Variants in KCNAB1 observed in about 807,000 individuals in gnomAD.
KCNAB1 encodes voltage-gated potassium channel subunit beta-1.
KCNAB1 carries 35 observed loss-of-function variants against 64.6 expected under a neutral mutation model. That is an observed-to-expected ratio of 0.54 (90% confidence interval 0.41 to 0.72). KCNAB1 has a LOEUF of 0.72. Among genes scored for constraint, KCNAB1 ranks in the 30% least tolerant of loss-of-function variants. The pLI, the probability that KCNAB1 is intolerant of heterozygous loss-of-function variation, is 0.00. For synonymous variants in KCNAB1, 177 were observed against 183.8 expected (o/e 0.96, Z 0.30); for missense variants, 401 against 512.9 (o/e 0.78, Z 2.11).
At chr3:156,344,328 T>C (rs1724335046) in intron 1 of KCNAB1, among the ~76,000 whole-genome samples, 1 of 152,198 alleles carries the variant, frequency 6.6e-6, no homozygotes, top group Non-Finnish European at 1.5e-5. Flanking sequence ...TCAGCGCTGA[T>C]TTTTTTATGC....
chr3:156,399,872 C>T (rs1021562820), intron 1 of KCNAB1, among the ~76,000 whole-genome samples: 2 of 152,072 alleles, frequency 1.3e-5, no homozygotes, highest in Admixed American at 6.5e-5. Flanking sequence ...ATAAAATTAC[C>T]GCACCACCTT....
At chr3:156,162,039 T>C (rs73876120) in intron 1 of KCNAB1, among the ~76,000 whole-genome samples, 12,246 of 152,224 alleles carry the variant, frequency 0.08, 1,032 homozygotes, top group African/African-American at 0.21. Context: ...TTTTTGGTCT[T>C]GATATTGAAA....
intron 1 of KCNAB1, chr3:156,176,564 A>G (rs1712384305): frequency 2.4e-6 from 2 of 819,492 alleles, no homozygotes; most frequent in East Asian, 4.8e-5. Context: ...GTTGTAATGC[A>G]GTTCCATCAC....
chr3:156,421,716 C>A, intron 2 of KCNAB1, 57 bp downstream of exon 2: 3 of 1,510,272 alleles, frequency 2.0e-6, no homozygotes, highest in East Asian at 2.3e-5. Flanking sequence ...CTGGGGAGGG[C>A]ACCAGGGAGT....
In KCNAB1 at chr3:156,321,183, G is replaced by A. The variant is rs114271130; in HGVS notation, c.276-100433G>A. Among the ~76,000 whole-genome samples, 1,333 of 152,240 alleles carry A rather than the reference G, an allele frequency of 8.8e-3. 15 individuals carry two copies. Among genetic ancestry groups the A allele is most frequent in the African/African-American group, 0.031 (1,273 of 41,530 alleles). On this transcript the variant is annotated intron_variant, in intron 1 of 13. Transcript: ENST00000490337. ...CTTTTCATTCACATTTAGATAAAATGTTCTTTAGAGCAAATGTTTCTGTGC... is the reference window on the plus strand; with the variant it reads ...CTTTTCATTCACATTTAGATAAAATATTCTTTAGAGCAAATGTTTCTGTGC...
chr3:156,355,997 C>G (rs1392866031), intron 1 of KCNAB1, among the ~76,000 whole-genome samples: 2 of 151,584 alleles, frequency 1.3e-5, no homozygotes, highest in African/African-American at 4.9e-5. Context: ...TGGTGTGCAC[C>G]TGTAGTCCCA....
chr3:156,317,281 G>A (rs149820590), intron 1 of KCNAB1, among the ~76,000 whole-genome samples: 2,093 of 152,234 alleles, frequency 0.014, 42 homozygotes, highest in African/African-American at 0.048. Flanking sequence ...TTCACATTGC[G>A]TCTGGTGACA....
intron 1 of KCNAB1, among the ~76,000 whole-genome samples, chr3:156,294,435 A>G (rs1300374601): frequency 1.3e-5 from 2 of 152,164 alleles, no homozygotes; most frequent in Admixed American, 6.5e-5. Flanking sequence ...ACCTTTATGA[A>G]GGAGATTATG....
chr3:156,261,865 A>G (rs547578823), intron 1 of KCNAB1, among the ~76,000 whole-genome samples: 3 of 152,030 alleles, frequency 2.0e-5, no homozygotes, highest in Non-Finnish European at 4.4e-5. Context: ...CCAGTTCAGG[A>G]ATATGAACAT....
At chr3:156,142,521 T>C (rs2108281201) in intron 1 of KCNAB1, among the ~76,000 whole-genome samples, 1 of 152,316 alleles carries the variant, frequency 6.6e-6, no homozygotes, top group African/African-American at 2.4e-5. Context: ...CCAGCACCAT[T>C]TGATGGAAAA....
chr3:156,215,328 T>A lies in KCNAB1; in HGVS notation c.275+94442T>A, dbSNP rs192444548. ...CAAGCATCACTCAATTCAATTGACA[T>A]GTAATGACCTCCTAGTATGTGTGCA... On this transcript the variant is annotated intron_variant, in intron 1 of 13. Coordinates refer to ENST00000490337, the MANE Select transcript of KCNAB1 (RefSeq NM_172160.3). 2.5e-4 allele frequency among the ~76,000 whole-genome samples: 38 copies of A among 152,322 alleles called. 1 individual carries two copies. The highest frequency in any genetic ancestry group is 2.2e-3 in the Admixed American group (33 of 15,300).
At chr3:156,178,727 C>G (rs572694363) in intron 1 of KCNAB1, among the ~76,000 whole-genome samples, 1 of 151,914 alleles carries the variant, frequency 6.6e-6, no homozygotes, top group Non-Finnish European at 1.5e-5. Context: ...TTTGGCCGGG[C>G]GCGGTGGCTC....
intron 1 of KCNAB1, among the ~76,000 whole-genome samples, chr3:156,247,065 T>C (rs1232194931): frequency 6.6e-6 from 1 of 152,114 alleles, no homozygotes; most frequent in Non-Finnish European, 1.5e-5. Context: ...TATGATTGAC[T>C]GGGAAAAAAA....
chr3:156,176,300 T>G (rs754301192), intron 1 of KCNAB1: 17 of 988,928 alleles, frequency 1.7e-5, no homozygotes, highest in Admixed American at 1.7e-4. Flanking sequence ...CCAGAAATAA[T>G]CTGATCACTT....
At chr3:156,425,029 G>A (rs547840414) in intron 2 of KCNAB1, among the ~76,000 whole-genome samples, 1 of 152,292 alleles carries the variant, frequency 6.6e-6, no homozygotes, top group East Asian at 1.9e-4. Context: ...TAAGCCAGAG[G>A]AGACAAGAAA....
At chr3:156,410,779 TC>T (rs1379399361) in intron 1 of KCNAB1, among the ~76,000 whole-genome samples, 3 of 152,224 alleles carry the variant, frequency 2.0e-5, no homozygotes, top group Non-Finnish European at 4.4e-5. Context: ...TGCCTTTAAT[TC>T]TTTTTATTGC....
At chr3:156,357,459 TG>T (rs1206995115) in intron 1 of KCNAB1, among the ~76,000 whole-genome samples, 4 of 152,210 alleles carry the variant, frequency 2.6e-5, no homozygotes, top group Non-Finnish European at 5.9e-5. Flanking sequence ...CTGCATGACA[TG>T]TACTACAAGA....
intron 1 of KCNAB1, among the ~76,000 whole-genome samples, chr3:156,380,026 A>C (rs375840902): frequency 2.0e-5 from 3 of 152,300 alleles, no homozygotes; most frequent in East Asian, 3.9e-4. Context: ...TCTTTCTGCA[A>C]GTTCCCTTTC....
intron 1 of KCNAB1, among the ~76,000 whole-genome samples, chr3:156,404,549 A>C (rs2108197853): frequency 6.6e-6 from 1 of 152,348 alleles, no homozygotes; most frequent in Middle Eastern, 3.4e-3. Context: ...AGCTCTGCAA[A>C]CCTTTTCACA....
Sources: allele counts gnomAD v4.1 joint callset (sites outside exome capture counted in the v4.1 genomes callset), GRCh38; gene constraint gnomAD v4.1.1; transcripts MANE v1.5; gene names NCBI Gene and HGNC (gene_info 2026-07-23, HGNC 2026-07-21).